The following ACACA variants were observed in gnomAD, a reference collection of about 807,000 sequenced individuals.
The protein encoded by ACACA is acetyl-CoA carboxylase alpha.
In ACACA, 103 loss-of-function variants were observed where a neutral mutation model predicts 296.1. The ratio of observed to expected loss-of-function variants is 0.35; its 90% CI spans 0.30 to 0.41. The LOEUF (loss-of-function observed/expected upper bound fraction) is 0.41. Among genes scored for constraint, ACACA ranks in the 10% least tolerant of loss-of-function variants. The pLI is 1.00. For synonymous variants in ACACA, 953 were observed against 1,038.6 expected, an observed-to-expected ratio of 0.92 and a Z score of 1.58; for missense variants, 1,554 against 2,989.7, an observed-to-expected ratio of 0.52 and a Z score of 11.20.
At position 37,281,625 on chromosome 17, in the gene ACACA, T is replaced by C. The variant is rs181460384; in HGVS notation, c.610+1642A>G. Among the ~76,000 whole-genome samples, 11 of 152,218 alleles carry C rather than the reference T, an allele frequency of 7.2e-5. No individual in the cohort carries two copies. In the East Asian group the frequency reaches 2.1e-3, roughly 29 times the overall value. ...GCTTACACCTGTAATCCTAGTACTT[T>C]GGGAGGCCAAGGCAGGTGGATCACA... On this transcript the variant is annotated intron_variant, in intron 5 of 55. Transcript: ENST00000616317.
chr17:37,376,212 G>C, intron 1 of ACACA: 3 of 1,409,946 alleles, frequency 2.1e-6, no homozygotes, highest in South Asian at 2.3e-5. Context: ...AAGAGTTTCG[G>C]GGTCTCTTCC....
intron 54 of ACACA, among the ~76,000 whole-genome samples, chr17:37,089,604 G>A (rs943941878): frequency 1.3e-5 from 2 of 152,128 alleles, no homozygotes; most frequent in Non-Finnish European, 2.9e-5. Flanking sequence ...GATGAGGCAC[G>A]GACGGGGAAC....
At chr17:37,216,888 G>A (rs1360509288) in intron 29 of ACACA, among the ~76,000 whole-genome samples, 2 of 151,840 alleles carry the variant, frequency 1.3e-5, no homozygotes, top group Non-Finnish European at 2.9e-5. Context: ...TTTGCAGACA[G>A]AGTGCCGTGT....
chr17:37,295,679 C>T (rs1272563665), intron 3 of ACACA, among the ~76,000 whole-genome samples: 1 of 152,094 alleles, frequency 6.6e-6, no homozygotes, highest in Non-Finnish European at 1.5e-5. Flanking sequence ...AATCCCAACA[C>T]ATTGGGAGGC....
rs549223114 is a variant in ACACA at position 37,261,170 on chromosome 17, C to T, written c.1330-1640G>A. Among the ~76,000 whole-genome samples the T allele has an allele frequency of 5.3e-5, 8 of 152,194 alleles. No homozygotes were observed. The South Asian group carries it at 1.7e-3, about 32-fold the overall frequency. ...CTTAAAAAAGATGGTCTGAAAGGGT[C>T]AGAGTGTCGAAAAAGCCAACTTCTT... On this transcript the variant is annotated intron_variant, in intron 11 of 55. Transcript: ENST00000616317.
chr17:37,208,406 T>C (rs2078603954), intron 30 of ACACA, among the ~76,000 whole-genome samples: 1 of 152,218 alleles, frequency 6.6e-6, no homozygotes, highest in Non-Finnish European at 1.5e-5. Flanking sequence ...GAATTTACTT[T>C]CTCCTTTAAT....
chr17:37,268,729 C>CTA (rs1212218965), intron 10 of ACACA, among the ~76,000 whole-genome samples: 97 of 111,004 alleles, frequency 8.7e-4, no homozygotes, highest in African/African-American at 3.6e-3. Context: ...ATCTATCTAT[C>CTA]TATCTATCTA....
At chr17:37,248,289 A>C in intron 17 of ACACA, 133 bp from the exon 18 acceptor site, 1 of 1,164,890 alleles carries the variant, frequency 8.6e-7, no homozygotes, top group Non-Finnish European at 1.3e-6. Context: ...TGCTATTTGC[A>C]TCAGTGTCTG....
At chr17:37,132,982 C>T (rs2075172366) in intron 45 of ACACA, among the ~76,000 whole-genome samples, 1 of 152,222 alleles carries the variant, frequency 6.6e-6, no homozygotes, top group Non-Finnish European at 1.5e-5. Context: ...GAAAAGGCAG[C>T]AGTATTTCTA....
At chr17:37,150,112 A>T (rs758352510) in intron 44 of ACACA, 138 bp from the exon 45 acceptor site, 2 of 751,260 alleles carry the variant, frequency 2.7e-6, no homozygotes, top group Non-Finnish European at 4.5e-6. Context: ...TGACAACAAC[A>T]CACACACACA....
intron 13 of ACACA, among the ~76,000 whole-genome samples, 167 bp downstream of exon 13, chr17:37,258,044 GA>G (rs1025447627): frequency 6.6e-6 from 1 of 152,138 alleles, no homozygotes; most frequent in African/African-American, 2.4e-5. Context: ...ACTTAAGTGG[GA>G]TTAAGTAACC....
chr17:37,315,586 T>A (rs1287964554), intron 3 of ACACA, among the ~76,000 whole-genome samples: 1 of 152,204 alleles, frequency 6.6e-6, no homozygotes. Flanking sequence ...GAGATTCCCA[T>A]GACCCCTTCC....
chr17:37,391,979 A>G (rs2050904049), intron 1 of ACACA: 1 of 497,696 alleles, frequency 2.0e-6, no homozygotes, highest in South Asian at 3.3e-5. Context: ...ACGAGAACAA[A>G]AAGTATTCCC....
chr17:37,283,268 T>A lies in ACACA; in HGVS notation c.609A>T (p.Ala203=), dbSNP rs773632926. Residue 203 remains alanine, a splice_region_variant and synonymous_variant, in exon 5 of 56, where the codon GCA becomes GCT. Transcript: ENST00000616317. ...GCTTTCATAATGCTAATAACTCACC[T>A]GCATTGGCTTTAAGGTCTTCAGGTG... ...MVTPEDLKAN[A]EYIKMADHYV... is the part of the protein sequence containing the mutation. 1 of 1,614,162 alleles carries A rather than the reference T, an allele frequency of 6.2e-7. No individual in the cohort carries two copies.
chr17:37,263,540 A>T, intron 11 of ACACA, 145 bp downstream of exon 11: 1 of 742,544 alleles, frequency 1.3e-6, no homozygotes, highest in Non-Finnish European at 2.2e-6. Flanking sequence ...GAACAGTAGA[A>T]TTTTTTTTCT....
chr17:37,244,006 T>A (rs952709214), intron 21 of ACACA, among the ~76,000 whole-genome samples: 3 of 152,134 alleles, frequency 2.0e-5, no homozygotes, highest in African/African-American at 7.2e-5. Flanking sequence ...GAGCCAACTA[T>A]CATAGAGTAC....
chr17:37,152,264 T>C (rs1321017038), intron 43 of ACACA, among the ~76,000 whole-genome samples: 1 of 152,208 alleles, frequency 6.6e-6, no homozygotes, highest in Non-Finnish European at 1.5e-5. Flanking sequence ...CCTCGGATTT[T>C]AGATGCCCTC....
chr17:37,097,708 G>T lies in ACACA; in HGVS notation c.6720+122C>A. ...ATCTAAAAAATATTGAAAATGTTTT[G>T]ATCTGCAGAAGTTGTTTTAATTTGG... On this transcript the variant is annotated intron_variant, in intron 53 of 55. Transcript: ENST00000616317. This position sits in a 1 kb window ranked among gnomAD's most constrained non-coding sequence, Gnocchi z 4.8. The T allele has an allele frequency of 1.7e-6, 2 of 1,144,848 alleles. No homozygotes were observed. Among genetic ancestry groups the T allele is most frequent in the South Asian group, 1.5e-5 (1 of 68,018 alleles). The allele number at this position is 1,144,848 out of a possible 1,614,324, so 70.9% of individuals were successfully genotyped here. A position where few individuals can be genotyped will look rare whatever the true frequency, so the allele number is the denominator to read the frequency against.
intron 46 of ACACA, 87 bp from the exon 47 acceptor site, chr17:37,129,572 G>A: frequency 3.8e-6 from 6 of 1,560,248 alleles, no homozygotes; most frequent in Non-Finnish European, 5.3e-6. Flanking sequence ...GACAAAGACA[G>A]CAGGGCCCAC....
Sources: gnomAD v4.1 joint callset for allele counts (sites outside exome capture counted in the v4.1 genomes callset) on GRCh38, gnomAD v4.1.1 for gene constraint, Gnocchi (gnomAD v3.1) non-coding constraint, MANE v1.5 for transcripts, NCBI Gene and HGNC (gene_info 2026-07-23, HGNC 2026-07-21) for gene names.